Variants in IGFL2 observed in about 807,000 individuals in gnomAD.
IGFL2 encodes the protein insulin growth factor-like family member 2.
IGFL2 carries 7 observed loss-of-function variants against 13.9 expected under a neutral mutation model. The ratio of observed to expected loss-of-function variants is 0.51; its 90% CI spans 0.29 to 0.95. The LOEUF (loss-of-function observed/expected upper bound fraction) is 0.95, where lower values mean the gene tolerates loss of function less well. Ranked by LOEUF, IGFL2 falls within the 40% of genes least tolerant of loss-of-function variation. The pLI, the probability that IGFL2 is intolerant of heterozygous loss-of-function variation, is 0.08. For missense variants in IGFL2, 138 were observed against 147.8 expected (o/e 0.93, Z 0.34); for synonymous variants, 55 against 55.8 (o/e 0.99, Z 0.07).
chr19:46,120,248 G>A, the IGFL2 span: 61 of 1,592,730 alleles, frequency 3.8e-5, no homozygotes, highest in Middle Eastern at 5.7e-4. Context: ...GCTTCTCTCC[G>A]AAGTTCAACT....
the IGFL2 span, among the ~76,000 whole-genome samples, chr19:46,126,716 A>G: frequency 1.3e-5 from 2 of 152,230 alleles, no homozygotes; most frequent in Admixed American, 6.5e-5. Flanking sequence ...AAGCCAAATC[A>G]TGGTGTTTTC....
At chr19:46,148,184 C>T (rs143166151), upstream of IGFL2, 1,527 of 1,188,258 alleles carry the variant, frequency 1.3e-3, 1 homozygote, top group Middle Eastern at 2.3e-3. Context: ...GGGCACCTCC[C>T]TAAATGTGGA....
the IGFL2 span, among the ~76,000 whole-genome samples, chr19:46,097,781 GAGA>G: frequency 6.6e-6 from 1 of 152,200 alleles, no homozygotes; most frequent in Non-Finnish European, 1.5e-5. Context: ...AGTCATTCAG[GAGA>G]AGGTTGTTGA....
chr19:46,193,779 C>T, the IGFL2 span, among the ~76,000 whole-genome samples: 5 of 152,066 alleles, frequency 3.3e-5, no homozygotes, highest in African/African-American at 9.7e-5. Context: ...TGTCTCCCTT[C>T]GATGTAATGA....
At chr19:46,168,242 T>A in the IGFL2 span, among the ~76,000 whole-genome samples, 2 of 152,202 alleles carry the variant, frequency 1.3e-5, no homozygotes, top group African/African-American at 4.8e-5. Context: ...AGACAAGGAT[T>A]ACATGATTGT....
the IGFL2 span, among the ~76,000 whole-genome samples, chr19:46,109,251 AAT>A: frequency 6.6e-6 from 1 of 152,158 alleles, no homozygotes; most frequent in Non-Finnish European, 1.5e-5. Flanking sequence ...AGTTAGGAGC[AAT>A]GTTTTGTGGG....
the IGFL2 span, among the ~76,000 whole-genome samples, chr19:46,178,816 T>C: frequency 6.6e-6 from 1 of 152,170 alleles, no homozygotes; most frequent in African/African-American, 2.4e-5. Context: ...TATTGATTTA[T>C]GTCTTTGCCT....
chr19:46,126,820 G>A, the IGFL2 span, among the ~76,000 whole-genome samples: 1 of 152,118 alleles, frequency 6.6e-6, no homozygotes, highest in Admixed American at 6.5e-5. Context: ...TGAAGACTTA[G>A]TTCGTCCCTG....
chr19:46,196,784 T>G, the IGFL2 span: 1 of 152,594 alleles, frequency 6.6e-6, no homozygotes, highest in Non-Finnish European at 1.5e-5. Flanking sequence ...TTGGACCCAG[T>G]GCTGCCGCAG....
the IGFL2 span, among the ~76,000 whole-genome samples, chr19:46,211,442 C>T: frequency 1.3e-5 from 2 of 152,304 alleles, no homozygotes; most frequent in South Asian, 4.1e-4. Context: ...CTGCCTGTTT[C>T]CTAGCAGGGC....
chr19:46,123,233 A>T, the IGFL2 span, among the ~76,000 whole-genome samples: 2 of 150,884 alleles, frequency 1.3e-5, no homozygotes, highest in African/African-American at 2.5e-5. Context: ...CCTCCTGAAA[A>T]AGGATACTGA....
chr19:46,161,421 G>GAA (rs141445484), downstream of IGFL2: 18 of 227,960 alleles, frequency 7.9e-5, no homozygotes, highest in Non-Finnish European at 1.4e-4. Flanking sequence ...ACAAAAGGCT[G>GAA]GAGAGTTTTT....
At chr19:46,081,319 A>G in the IGFL2 span, among the ~76,000 whole-genome samples, 2 of 152,230 alleles carry the variant, frequency 1.3e-5, no homozygotes, top group Admixed American at 1.3e-4. Flanking sequence ...AGTTGCAAAA[A>G]CAGTATGGTG....
the IGFL2 span, among the ~76,000 whole-genome samples, chr19:46,193,819 G>A: frequency 3.3e-5 from 5 of 152,166 alleles, no homozygotes; most frequent in Non-Finnish European, 5.9e-5. Flanking sequence ...CACCGCTCTC[G>A]GGTCTAGGCT....
chr19:46,114,437 T>C, the IGFL2 span, among the ~76,000 whole-genome samples: 3 of 152,220 alleles, frequency 2.0e-5, no homozygotes, highest in Non-Finnish European at 2.9e-5. Flanking sequence ...TACTTTCTTA[T>C]TTGGTTAGTC....
the IGFL2 span, among the ~76,000 whole-genome samples, chr19:46,114,637 C>T: frequency 6.6e-6 from 1 of 152,226 alleles, no homozygotes; most frequent in South Asian, 2.1e-4. Context: ...AGTGAGTTCT[C>T]CTGAGATCTG....
At chr19:46,122,034 T>C in the IGFL2 span, among the ~76,000 whole-genome samples, 7 of 151,274 alleles carry the variant, frequency 4.6e-5, no homozygotes, top group African/African-American at 1.7e-4. Flanking sequence ...TTTTAAAACA[T>C]GCTGTGATAT....
chr19:46,155,744 A>G (rs1008444097), intron 1 of IGFL2, among the ~76,000 whole-genome samples: 9 of 152,278 alleles, frequency 5.9e-5, no homozygotes, highest in Middle Eastern at 3.4e-3. Context: ...AAAAGGACTA[A>G]TCTTTGCCTG....
At chr19:46,122,566 T>A in the IGFL2 span, among the ~76,000 whole-genome samples, 1 of 151,076 alleles carries the variant, frequency 6.6e-6, no homozygotes, top group East Asian at 2.0e-4. Context: ...CAGATTTTTT[T>A]GGTAAAGTTT....
Sources: gnomAD v4.1 joint callset for allele counts (sites outside exome capture counted in the v4.1 genomes callset) on GRCh38, gnomAD v4.1.1 for gene constraint, MANE v1.5 for transcripts, NCBI Gene and HGNC (gene_info 2026-07-23, HGNC 2026-07-21) for gene names.